ARPP21: variants seen among roughly 807,000 people sequenced by gnomAD.
ARPP21 encodes cAMP regulated phosphoprotein 21, also known as cAMP-regulated phosphoprotein 21.
ARPP21 carries 69 observed loss-of-function variants against 113.2 expected under a neutral mutation model. The observed-to-expected ratio is 0.61, with a 90% confidence interval of 0.50 to 0.74. ARPP21 has a LOEUF of 0.74. Among genes scored for constraint, ARPP21 ranks in the 30% least tolerant of loss-of-function variants. ARPP21 has a pLI of 0.00. For missense variants in ARPP21, 1,070 were observed against 1,037.4 expected (o/e 1.03, Z -0.43); for synonymous variants, 368 against 375.5 (o/e 0.98, Z 0.23).
chr3:35,682,333 C>A (rs2079148197), intron 3 of ARPP21: 1 of 158,594 alleles, frequency 6.3e-6, no homozygotes, highest in South Asian at 2.0e-4. Context: ...ACAAGCTAAA[C>A]CCTAGAATTC....
intron 13 of ARPP21, among the ~76,000 whole-genome samples, chr3:35,720,845 C>T (rs2092988032): frequency 6.6e-6 from 1 of 152,200 alleles, no homozygotes; most frequent in Non-Finnish European, 1.5e-5. Flanking sequence ...GAAGTTTGAA[C>T]AAATGTGTTC....
intron 14 of ARPP21, among the ~76,000 whole-genome samples, chr3:35,725,849 T>C (rs2093491770): frequency 1.3e-5 from 2 of 150,034 alleles, no homozygotes; most frequent in Admixed American, 6.6e-5. Flanking sequence ...CCACTGTGAG[T>C]AGCATGGAAT....
chr3:35,683,092 A>T (rs2079459521), intron 4 of ARPP21, among the ~76,000 whole-genome samples: 1 of 151,640 alleles, frequency 6.6e-6, no homozygotes, highest in Non-Finnish European at 1.5e-5. Context: ...TTTTAGTTAG[A>T]GGATTTAGTG....
intron 18 of ARPP21, among the ~76,000 whole-genome samples, chr3:35,742,768 G>A (rs972208725): frequency 6.6e-6 from 1 of 152,154 alleles, no homozygotes; most frequent in Non-Finnish European, 1.5e-5. Flanking sequence ...TCAAATAATT[G>A]ACTTGTAATT....
chr3:35,668,033 G>GAAGAAGA, intron 1 of ARPP21, among the ~76,000 whole-genome samples: 1 of 110,106 alleles, frequency 9.1e-6, no homozygotes, highest in East Asian at 2.8e-4. Flanking sequence ...GAAGAAGAAG[G>GAAGAAGA]AGAAGAAGAA....
At chr3:35,645,035 G>C (rs188319091) in intron 1 of ARPP21, among the ~76,000 whole-genome samples, 1 of 151,988 alleles carries the variant, frequency 6.6e-6, no homozygotes, top group African/African-American at 2.4e-5. Context: ...GTCCAAAACT[G>C]TCTCATTCAA....
intron 1 of ARPP21, among the ~76,000 whole-genome samples, chr3:35,655,917 T>C (rs1704642934): frequency 6.6e-6 from 1 of 152,054 alleles, no homozygotes; most frequent in Non-Finnish European, 1.5e-5. Context: ...TTCTTAGTGA[T>C]GTTGATGTTG....
chr3:35,685,906 T>G (rs932577294), intron 5 of ARPP21: 1 of 589,594 alleles, frequency 1.7e-6, no homozygotes, highest in African/African-American at 2.0e-5. Context: ...CACTTTTGTG[T>G]GTTCTTTCAA....
intron 19 of ARPP21, among the ~76,000 whole-genome samples, chr3:35,772,807 A>C (rs2096246875): frequency 2.0e-5 from 3 of 152,172 alleles, no homozygotes; most frequent in Admixed American, 2.0e-4. Flanking sequence ...AAACAGCTGC[A>C]CAGGCTTGCC....
In ARPP21 at chr3:35,706,998, T is replaced by C. The variant is rs1180229036; in HGVS notation, c.711T>C (p.His237=). The change falls in exon 10 of 21, where the codon CAT becomes CAC. Residue 237 remains histidine, a synonymous_variant. Coordinates refer to ENST00000684406, the MANE Select transcript of ARPP21 (RefSeq NM_001385562.1). ...TRIPEQRFCE[H]LKDEKGEESQ... ...GACCAGAGCAAAGGTTTTGTGAACATTTAAAAGATGAAAAAGGTGAAGAAT... is the reference window on the plus strand; with the variant it reads ...GACCAGAGCAAAGGTTTTGTGAACACTTAAAAGATGAAAAAGGTGAAGAAT... 3 of 1,614,008 alleles carry C rather than the reference T, an allele frequency of 1.9e-6. No homozygotes were observed. The highest frequency in any genetic ancestry group is 1.7e-4 in the Middle Eastern group (1 of 6,060).
At chr3:35,772,133 T>C (rs540006690) in intron 19 of ARPP21, among the ~76,000 whole-genome samples, 2 of 152,318 alleles carry the variant, frequency 1.3e-5, no homozygotes, top group East Asian at 3.9e-4. Context: ...CAGTCAGAAA[T>C]GTAAAACTGA....
At chr3:35,663,063 C>A (rs1177073607) in intron 1 of ARPP21, among the ~76,000 whole-genome samples, 1 of 151,992 alleles carries the variant, frequency 6.6e-6, no homozygotes, top group Non-Finnish European at 1.5e-5. Flanking sequence ...GCGATGGACA[C>A]CCTAAATACT....
At chr3:35,664,401 T>A (rs1373268505) in intron 1 of ARPP21, among the ~76,000 whole-genome samples, 1 of 152,122 alleles carries the variant, frequency 6.6e-6, no homozygotes, top group Non-Finnish European at 1.5e-5. Flanking sequence ...AACTTTTTCC[T>A]CCTGAGTGTA....
intron 19 of ARPP21, among the ~76,000 whole-genome samples, chr3:35,772,551 C>G (rs1032840327): frequency 2.6e-5 from 4 of 152,176 alleles, no homozygotes; most frequent in African/African-American, 7.2e-5. Flanking sequence ...TTTTAGCAGT[C>G]AGGTATGTTT....
intron 6 of ARPP21, among the ~76,000 whole-genome samples, chr3:35,689,064 TC>T (rs1313579401): frequency 6.6e-6 from 1 of 151,540 alleles, no homozygotes; most frequent in Non-Finnish European, 1.5e-5. Context: ...TGTGCCCACT[TC>T]CCCTCCTATG....
chr3:35,778,955 G>C (rs563212761), intron 19 of ARPP21, among the ~76,000 whole-genome samples: 1 of 152,264 alleles, frequency 6.6e-6, no homozygotes, highest in African/African-American at 2.4e-5. Context: ...TTGAAATTTT[G>C]TCTATTGGTA....
chr3:35,649,396 C>T (rs1157282713), intron 1 of ARPP21, among the ~76,000 whole-genome samples: 8 of 152,170 alleles, frequency 5.3e-5, no homozygotes. Flanking sequence ...GTTCAATCTG[C>T]TTAAACTGAC....
At chr3:35,689,261 C>A in intron 6 of ARPP21, 46 bp from the exon 7 acceptor site, 2 of 894,882 alleles carry the variant, frequency 2.2e-6, no homozygotes, top group Middle Eastern at 4.3e-4. Flanking sequence ...TCTACCCCAC[C>A]TTTCCACCAT....
chr3:35,775,296 A>C (rs1381327031), intron 19 of ARPP21, among the ~76,000 whole-genome samples: 1 of 152,224 alleles, frequency 6.6e-6, no homozygotes, highest in Non-Finnish European at 1.5e-5. Flanking sequence ...GAAAATGAGA[A>C]ACAAATGCAA....
Sources: gnomAD v4.1 joint callset for allele counts (sites outside exome capture counted in the v4.1 genomes callset) on GRCh38, gnomAD v4.1.1 for gene constraint, MANE v1.5 for transcripts, NCBI Gene and HGNC (gene_info 2026-07-23, HGNC 2026-07-21) for gene names.